Variants in ATP6V0A1 observed in about 807,000 individuals in gnomAD.
The protein encoded by ATP6V0A1 is V-type proton ATPase 116 kDa subunit a 1.
A neutral mutation model predicts 105.4 loss-of-function variants in ATP6V0A1; 43 were observed. The observed-to-expected ratio is 0.41, with a 90% CI of 0.32 to 0.53. The LOEUF is 0.53. Ranked by LOEUF, ATP6V0A1 falls within the 20% of genes least tolerant of loss-of-function variation. ATP6V0A1 has a pLI of 0.30. For synonymous variants in ATP6V0A1, 362 were observed against 372.8 expected (o/e 0.97, Z 0.33); for missense variants, 676 against 1,051.1 (o/e 0.64, Z 4.93).
At chr17:42,478,811 C>T in intron 7 of ATP6V0A1, 1 of 278,636 alleles carries the variant, frequency 3.6e-6, no homozygotes, top group Non-Finnish European at 6.3e-6. Flanking sequence ...TTCAAGTTTA[C>T]CCGTGTAGAT....
At chr17:42,504,584 T>C (rs1256214399) in intron 17 of ATP6V0A1, among the ~76,000 whole-genome samples, 1 of 152,214 alleles carries the variant, frequency 6.6e-6, no homozygotes, top group Non-Finnish European at 1.5e-5. Context: ...GTGCATGACC[T>C]GGAGGTGTCC....
chr17:42,482,848 A>G (rs1185188359), intron 8 of ATP6V0A1, among the ~76,000 whole-genome samples, 190 bp from the exon 9 acceptor site: 1 of 147,770 alleles, frequency 6.8e-6, no homozygotes, highest in Non-Finnish European at 1.5e-5. Flanking sequence ...GTGAGCTGAG[A>G]TCGTGCCACT....
intron 11 of ATP6V0A1, among the ~76,000 whole-genome samples, chr17:42,491,670 A>C (rs1347248291): frequency 1.3e-5 from 2 of 152,044 alleles, no homozygotes; most frequent in Non-Finnish European, 2.9e-5. Flanking sequence ...TTTAGTCGAG[A>C]CGGGGTTTCA....
intron 8 of ATP6V0A1, among the ~76,000 whole-genome samples, chr17:42,481,129 C>T (rs1371623472): frequency 1.3e-5 from 2 of 151,918 alleles, no homozygotes; most frequent in Non-Finnish European, 2.9e-5. Context: ...TGCCATGTTG[C>T]CCAGGCTGGC....
intron 5 of ATP6V0A1, among the ~76,000 whole-genome samples, chr17:42,476,789 T>C (rs1222747027): frequency 6.6e-6 from 1 of 152,066 alleles, no homozygotes; most frequent in East Asian, 1.9e-4. Flanking sequence ...TGAACTCTAG[T>C]TTGGTTTATT....
At chr17:42,463,357 T>C (rs1197292871) in intron 2 of ATP6V0A1, among the ~76,000 whole-genome samples, 1 of 152,154 alleles carries the variant, frequency 6.6e-6, no homozygotes, top group Non-Finnish European at 1.5e-5. Context: ...TGCTAGTCAG[T>C]TGCTACCCTT....
At chr17:42,486,699 G>C (rs576504242) in intron 9 of ATP6V0A1, among the ~76,000 whole-genome samples, 1 of 152,100 alleles carries the variant, frequency 6.6e-6, no homozygotes, top group African/African-American at 2.4e-5. Flanking sequence ...GTGTAGGCTG[G>C]TGGTGGTATT....
Position 42,507,633 on chromosome 17 carries a change from A to G in ATP6V0A1, c.2112+6A>G. ...ACTCAGAGGACGCAGACGAGGTAAG[A>G]TCCCGTGGTGTGGGCTTTCTCTCCT... On this transcript the variant is annotated splice_donor_region_variant and intron_variant, in intron 18 of 21. Transcript: ENST00000343619. 1 of 1,612,524 alleles carries G rather than the reference A, an allele frequency of 6.2e-7. No individual in the cohort carries two copies. Among genetic ancestry groups the G allele is most frequent in the Non-Finnish European group, 8.5e-7 (1 of 1,178,704 alleles).
At chr17:42,480,444 C>CA (rs983924333) in intron 7 of ATP6V0A1, 87 of 416,692 alleles carry the variant, frequency 2.1e-4, no homozygotes, top group African/African-American at 1.6e-3. Context: ...CTGGTTGAGT[C>CA]AAAAAAACAA....
At chr17:42,492,706 CAAAAA>C (rs56397012) in intron 11 of ATP6V0A1, among the ~76,000 whole-genome samples, 2 of 95,128 alleles carry the variant, frequency 2.1e-5, no homozygotes, top group African/African-American at 4.1e-5. Flanking sequence ...AACTCTGTCT[CAAAAA>C]AAAAAAAAAA....
At position 42,487,489 on chromosome 17, in the gene ATP6V0A1, A is replaced by G. The variant is rs2090212506; in HGVS notation, c.1023+122A>G. ...ATGCCTGTAATCCCAGAACTTTGGGAGGCCGAGGCGGGCAGATCATGAGGT... is the reference window on the plus strand; with the variant it reads ...ATGCCTGTAATCCCAGAACTTTGGGGGGCCGAGGCGGGCAGATCATGAGGT... On this transcript the variant is annotated intron_variant, in intron 10 of 21. Coordinates refer to ENST00000343619, the MANE Select transcript of ATP6V0A1 (RefSeq NM_001130021.3). The G allele has an allele frequency of 1.2e-5, 11 of 931,084 alleles. No individual in the cohort carries two copies. In the South Asian group the frequency reaches 1.6e-4, roughly 14 times the overall value. 57.7% of individuals were successfully genotyped at this position (931,084 alleles called of 1,614,324 possible). A position where few individuals can be genotyped will look rare whatever the true frequency, so the allele number is the denominator to read the frequency against.
intron 8 of ATP6V0A1, among the ~76,000 whole-genome samples, chr17:42,482,605 T>C (rs980559138): frequency 1.3e-5 from 2 of 151,902 alleles, no homozygotes; most frequent in African/African-American, 4.8e-5. Context: ...TTTACGTAAG[T>C]GTTGACTTAG....
intron 2 of ATP6V0A1, among the ~76,000 whole-genome samples, chr17:42,464,828 C>G (rs2086849096): frequency 6.6e-6 from 1 of 152,128 alleles, no homozygotes; most frequent in Admixed American, 6.5e-5. Context: ...GTATTTTCCC[C>G]AGTGCCTAGT....
intron 5 of ATP6V0A1, among the ~76,000 whole-genome samples, chr17:42,474,148 G>A (rs1310164888): frequency 6.6e-6 from 1 of 151,834 alleles, no homozygotes; most frequent in African/African-American, 2.4e-5. Context: ...GACTATAGGT[G>A]TGTACCACCA....
At chr17:42,469,006 T>A (rs1230043650) in intron 4 of ATP6V0A1, among the ~76,000 whole-genome samples, 1 of 152,024 alleles carries the variant, frequency 6.6e-6, no homozygotes, top group Non-Finnish European at 1.5e-5. Context: ...CCAACATGCC[T>A]GGCTAATTTT....
At chr17:42,497,473 C>T (rs1456598863) in intron 14 of ATP6V0A1, among the ~76,000 whole-genome samples, 1 of 150,758 alleles carries the variant, frequency 6.6e-6, no homozygotes, top group Non-Finnish European at 1.5e-5. Flanking sequence ...GAGTTCAAGA[C>T]CTGCCTGGCC....
At chr17:42,460,827 G>C in intron 1 of ATP6V0A1, 21 bp from the exon 2 acceptor site, 1 of 1,320,534 alleles carries the variant, frequency 7.6e-7, no homozygotes, top group Non-Finnish European at 1.1e-6. Flanking sequence ...CCAAAGTTAT[G>C]TCATTTTCTC....
At chr17:42,516,984 A>C (rs1208933850) in intron 21 of ATP6V0A1, among the ~76,000 whole-genome samples, 4 of 152,226 alleles carry the variant, frequency 2.6e-5, no homozygotes, top group Non-Finnish European at 4.4e-5. Flanking sequence ...CTCTGCTTAA[A>C]AGTGGGATGC....
chr17:42,466,774 T>C (rs1337588927), intron 3 of ATP6V0A1, among the ~76,000 whole-genome samples: 1 of 152,164 alleles, frequency 6.6e-6, no homozygotes, highest in Admixed American at 6.5e-5. Context: ...CAAAACTACA[T>C]GATAGAATTT....
Sources: allele counts gnomAD v4.1 joint callset (sites outside exome capture counted in the v4.1 genomes callset), GRCh38; gene constraint gnomAD v4.1.1; transcripts MANE v1.5; gene names NCBI Gene and HGNC (gene_info 2026-07-23, HGNC 2026-07-21).